Variants in PDS5A observed in about 807,000 individuals in gnomAD.
The protein encoded by PDS5A is sister chromatid cohesion protein PDS5 homolog A.
PDS5A carries 42 observed loss-of-function variants against 167.1 expected under a neutral mutation model. The observed-to-expected ratio is 0.25, with a 90% CI of 0.20 to 0.33. The LOEUF is 0.33. Ranked by LOEUF, PDS5A falls within the 10% of genes least tolerant of loss-of-function variation. The pLI is 1.00. For synonymous variants in PDS5A, 553 were observed against 554.6 expected (o/e 1.00, Z 0.04); for missense variants, 1,033 against 1,605.9 (o/e 0.64, Z 6.10).
chr4:39,976,394 G>C (rs756015826), intron 2 of PDS5A, 46 bp downstream of exon 2: 1 of 1,571,610 alleles, frequency 6.4e-7, no homozygotes, highest in Non-Finnish European at 8.7e-7. Context: ...TATCACAGGA[G>C]AAAGCGCCTT....
At chr4:39,898,665 A>T in intron 15 of PDS5A, 112 bp downstream of exon 15, 1 of 931,690 alleles carries the variant, frequency 1.1e-6, no homozygotes, top group Non-Finnish European at 1.6e-6. Flanking sequence ...AAACAAAATT[A>T]AGATAAAGAT....
At chr4:39,969,373 T>A (rs1310655426) in intron 2 of PDS5A, among the ~76,000 whole-genome samples, 1 of 152,064 alleles carries the variant, frequency 6.6e-6, no homozygotes, top group Non-Finnish European at 1.5e-5. Flanking sequence ...AACTCCTTAG[T>A]TTGAAAAGTC....
intron 32 of PDS5A, among the ~76,000 whole-genome samples, chr4:39,832,695 T>A (rs1287641367): frequency 6.6e-6 from 1 of 151,686 alleles, no homozygotes; most frequent in Non-Finnish European, 1.5e-5. Context: ...CCCAAAAAAT[T>A]TAAAAAGAAA....
At chr4:39,870,105 T>C (rs1719894676) in intron 21 of PDS5A, among the ~76,000 whole-genome samples, 1 of 151,736 alleles carries the variant, frequency 6.6e-6, no homozygotes, top group Non-Finnish European at 1.5e-5. Context: ...TGAGACTCCA[T>C]CTCAAAAACA....
intron 9 of PDS5A, among the ~76,000 whole-genome samples, chr4:39,911,545 CAT>C (rs1723884169): frequency 6.6e-6 from 1 of 151,802 alleles, no homozygotes; most frequent in Non-Finnish European, 1.5e-5. Flanking sequence ...CAAAAATGCA[CAT>C]GTTGGCCGGG....
At chr4:39,864,085 G>A (rs558036548) in intron 23 of PDS5A, among the ~76,000 whole-genome samples, 13 of 151,216 alleles carry the variant, frequency 8.6e-5, no homozygotes, top group African/African-American at 1.7e-4. Flanking sequence ...AGCCAAGGTC[G>A]CACCACTGCA....
chr4:39,919,419 G>T (rs1317963967), intron 7 of PDS5A, among the ~76,000 whole-genome samples: 2 of 152,162 alleles, frequency 1.3e-5, no homozygotes, highest in Non-Finnish European at 2.9e-5. Flanking sequence ...GCTGAGGCAG[G>T]CAGATCACGA....
chr4:39,866,741 A>C (rs539584872), intron 23 of PDS5A, 120 bp downstream of exon 23: 59 of 807,386 alleles, frequency 7.3e-5, no homozygotes, highest in Non-Finnish European at 1.1e-4. Flanking sequence ...AGTACATAAG[A>C]TCTGACCCTG....
Position 39,849,514 on chromosome 4 carries a change from T to A in PDS5A, c.3219+6A>T, listed in dbSNP as rs759984121. On this transcript the variant is annotated splice_donor_region_variant and intron_variant, in intron 27 of 32. Transcript: ENST00000303538. ...TTAACACCCACTGGCCTAACACTCATCTTACTTCATTTGTCTTGGATTCAT... is the reference window on the plus strand; with the variant it reads ...TTAACACCCACTGGCCTAACACTCAACTTACTTCATTTGTCTTGGATTCAT... 6.3e-7 allele frequency: 1 copy of A among 1,583,570 alleles called. No homozygotes were observed. Among genetic ancestry groups the A allele is most frequent in the African/African-American group, 1.4e-5 (1 of 74,034 alleles).
intron 26 of PDS5A, among the ~76,000 whole-genome samples, chr4:39,858,764 C>T (rs1718743114): frequency 6.6e-6 from 1 of 152,154 alleles, no homozygotes; most frequent in Non-Finnish European, 1.5e-5. Context: ...GCTGGGATTA[C>T]AGGCGCCCTC....
chr4:39,937,816 T>C (rs1726771423), intron 2 of PDS5A, among the ~76,000 whole-genome samples: 1 of 152,238 alleles, frequency 6.6e-6, no homozygotes, highest in Non-Finnish European at 1.5e-5. Flanking sequence ...GTAGAAGACA[T>C]ACATGCCCAA....
Position 39,968,433 on chromosome 4 carries a change from A to AT in PDS5A, c.138+8006dup, listed in dbSNP as rs375287668. On this transcript the variant is annotated intron_variant, in intron 2 of 32. Coordinates refer to ENST00000303538, the MANE Select transcript of PDS5A (RefSeq NM_001100399.2). The stretch of plus-strand genomic sequence containing the variant: ...CTTAGATTACTTAATTATAATATTA[A>AT]TTTTTTTTTTTTTTTTGAGACAGAG... 8.4e-3 allele frequency among the ~76,000 whole-genome samples: 1,127 copies of AT among 134,574 alleles called. 13 individuals carry two copies. The highest frequency in any genetic ancestry group is 0.022 in the African/African-American group (816 of 36,952). 88.3% of individuals were successfully genotyped at this position (134,574 alleles called of 152,430 possible).
At chr4:39,960,017 T>A (rs1471527871) in intron 2 of PDS5A, among the ~76,000 whole-genome samples, 1 of 151,990 alleles carries the variant, frequency 6.6e-6, no homozygotes, top group African/African-American at 2.4e-5. Flanking sequence ...CGCTTGAAAC[T>A]GGGAGGTGGA....
intron 16 of PDS5A, among the ~76,000 whole-genome samples, chr4:39,891,251 T>G (rs913479922): frequency 2.0e-5 from 3 of 149,510 alleles, no homozygotes; most frequent in Non-Finnish European, 4.4e-5. Flanking sequence ...CAGGCTGGTC[T>G]CGAACTCCCG....
intron 28 of PDS5A, 90 bp from the exon 29 acceptor site, chr4:39,845,970 T>C (rs896090141): frequency 2.8e-6 from 3 of 1,062,150 alleles, no homozygotes; most frequent in African/African-American, 3.3e-5. Context: ...TTTTAGGTAT[T>C]GTGCCTTGCA....
At chr4:39,849,492 A>C in intron 27 of PDS5A, 28 bp downstream of exon 27, 1 of 1,515,204 alleles carries the variant, frequency 6.6e-7, no homozygotes, top group Non-Finnish European at 9.1e-7. Context: ...TTACATCTTA[A>C]CACCCACTGG....
chr4:39,905,280 G>A (rs1723232278), intron 11 of PDS5A, among the ~76,000 whole-genome samples: 1 of 151,736 alleles, frequency 6.6e-6, no homozygotes, highest in Admixed American at 6.6e-5. Context: ...GACCAAGGGC[G>A]GGCATGGTGG....
chr4:39,867,091 C>G, intron 22 of PDS5A, 94 bp from the exon 23 acceptor site: 2 of 921,382 alleles, frequency 2.2e-6, no homozygotes, highest in Admixed American at 2.8e-5. Context: ...TTACTCATCT[C>G]CATCAGCAGA....
At position 39,935,017 on chromosome 4, in the gene PDS5A, G is replaced by A. The variant is rs553503686; in HGVS notation, c.139-6853C>T. Among the ~76,000 whole-genome samples, 7 of 152,090 alleles carry A rather than the reference G, an allele frequency of 4.6e-5. No homozygotes were observed. The South Asian group carries it at 8.3e-4, about 18-fold the overall frequency. Reference sequence around the variant, plus strand: ...AAATTTAATTGATGAAGGATTTAACGTAATCTAACTTTATCAATTATTTTC... The same window carrying A: ...AAATTTAATTGATGAAGGATTTAACATAATCTAACTTTATCAATTATTTTC... On this transcript the variant is annotated intron_variant, in intron 2 of 32. Coordinates refer to ENST00000303538, the MANE Select transcript of PDS5A (RefSeq NM_001100399.2).
Sources: gnomAD v4.1 joint callset for allele counts (sites outside exome capture counted in the v4.1 genomes callset) on GRCh38, gnomAD v4.1.1 for gene constraint, MANE v1.5 for transcripts, NCBI Gene and HGNC (gene_info 2026-07-23, HGNC 2026-07-21) for gene names.